The following LINGO2 variants were observed in gnomAD, a reference collection of about 807,000 sequenced individuals.
LINGO2 encodes leucine rich repeat and Ig domain containing 2, also known as leucine-rich repeat and immunoglobulin-like domain-containing nogo receptor-interacting protein 2.
A neutral mutation model predicts 30.6 loss-of-function variants in LINGO2; 14 were observed. That is an observed-to-expected ratio of 0.46 (90% CI 0.30 to 0.72). The LOEUF is 0.72. LINGO2 is among the 30% of genes least tolerant of loss of function. The pLI is 0.07. For missense variants in LINGO2, 729 were observed against 751.7 expected (o/e 0.97, Z 0.35); for synonymous variants, 317 against 288.5 (o/e 1.10, Z -1.00).
intron 2 of LINGO2, among the ~76,000 whole-genome samples, chr9:28,409,621 GT>G (rs1822665928): frequency 1.1e-4 from 3 of 28,286 alleles, no homozygotes; most frequent in South Asian, 9.2e-4. Context: ...ATGTGCAGGG[GT>G]GTGTGTGTGT....
intron 1 of LINGO2, among the ~76,000 whole-genome samples, chr9:28,486,770 A>G (rs1826182542): frequency 6.6e-6 from 1 of 152,158 alleles, no homozygotes; most frequent in Non-Finnish European, 1.5e-5. Context: ...CATGTTCCAA[A>G]AAACCCCACA....
chr9:28,494,660 T>G (rs906722379), intron 1 of LINGO2, among the ~76,000 whole-genome samples: 1 of 152,188 alleles, frequency 6.6e-6, no homozygotes, highest in African/African-American at 2.4e-5. Context: ...CTATTGTGAA[T>G]AGTGCCGCAA....
chr9:27,984,552 T>C (rs1303252759), intron 5 of LINGO2, among the ~76,000 whole-genome samples: 1 of 151,838 alleles, frequency 6.6e-6, no homozygotes, highest in Non-Finnish European at 1.5e-5. Flanking sequence ...GATTGTGGTC[T>C]GAGGGAATAT....
the LINGO2 span, among the ~76,000 whole-genome samples, chr9:28,922,497 C>T: frequency 0.092 from 13,921 of 152,120 alleles, 728 homozygotes; most frequent in South Asian, 0.16. Flanking sequence ...GTAAAAGGAG[C>T]AGTTAACCAC....
chr9:28,771,455 GTGTGTGTGTGTGTGTGTGTGT>G, the LINGO2 span, among the ~76,000 whole-genome samples: 402 of 67,696 alleles, frequency 5.9e-3, 3 homozygotes, highest in African/African-American at 0.031. Context: ...CCTATTTGGT[GTGTGTGTGTGTGTGTGTGTGT>G]GTGTGTGTGT....
chr9:28,774,025 G>T, the LINGO2 span, among the ~76,000 whole-genome samples: 1 of 142,794 alleles, frequency 7.0e-6, no homozygotes, highest in Non-Finnish European at 1.5e-5. Flanking sequence ...TGGGCCAAAT[G>T]TCATTTTCTT....
chr9:28,412,468 G>A (rs932159427), intron 2 of LINGO2, among the ~76,000 whole-genome samples: 11 of 151,984 alleles, frequency 7.2e-5, no homozygotes, highest in Non-Finnish European at 1.2e-4. Flanking sequence ...AATTGAAAAG[G>A]GAGACGTAAA....
At chr9:28,762,062 C>T in the LINGO2 span, among the ~76,000 whole-genome samples, 7 of 151,928 alleles carry the variant, frequency 4.6e-5, no homozygotes, top group African/African-American at 1.5e-4. Context: ...GGAAGATTTT[C>T]TTTCTAATTC....
chr9:28,895,841 GA>G, the LINGO2 span, among the ~76,000 whole-genome samples: 55 of 151,612 alleles, frequency 3.6e-4, no homozygotes, highest in Middle Eastern at 3.4e-3. Context: ...GATTTGAGGG[GA>G]AAAAAAACTT....
chr9:28,084,736 T>A (rs1825862887), intron 4 of LINGO2, among the ~76,000 whole-genome samples: 2 of 152,140 alleles, frequency 1.3e-5, no homozygotes, highest in African/African-American at 4.8e-5. Flanking sequence ...TTTCATTAGT[T>A]GTGTCATACC....
At chr9:28,871,382 A>G in the LINGO2 span, among the ~76,000 whole-genome samples, 1 of 123,970 alleles carries the variant, frequency 8.1e-6, no homozygotes, top group African/African-American at 2.5e-5. Context: ...ACACATACCA[A>G]CTTCTTTAAA....
At chr9:28,635,227 T>C (rs1489477372) in intron 1 of LINGO2, among the ~76,000 whole-genome samples, 1 of 152,196 alleles carries the variant, frequency 6.6e-6, no homozygotes, top group Non-Finnish European at 1.5e-5. Context: ...AAAGAGCCTT[T>C]TTATTAGAGT....
chr9:28,512,488 C>T (rs73439398), intron 1 of LINGO2, among the ~76,000 whole-genome samples: 33,059 of 149,334 alleles, frequency 0.22, 4,145 homozygotes, highest in African/African-American at 0.33. Flanking sequence ...TTGCTAAGAG[C>T]CTGAACCTGT....
At chr9:28,000,513 TTTC>T (rs1821894995) in intron 5 of LINGO2, among the ~76,000 whole-genome samples, 3 of 152,238 alleles carry the variant, frequency 2.0e-5, no homozygotes, top group African/African-American at 7.2e-5. Context: ...TGGAAAATTA[TTTC>T]TTTAGGCACC....
intron 1 of LINGO2, among the ~76,000 whole-genome samples, chr9:28,589,353 G>T (rs1208950485): frequency 6.6e-6 from 1 of 152,120 alleles, no homozygotes; most frequent in Non-Finnish European, 1.5e-5. Flanking sequence ...AAAAGAGGAA[G>T]TCAAGTTGTC....
At chr9:28,680,600 C>T in the LINGO2 span, among the ~76,000 whole-genome samples, 1 of 152,116 alleles carries the variant, frequency 6.6e-6, no homozygotes, top group African/African-American at 2.4e-5. Context: ...GATTACGTTT[C>T]TCCACAACCT....
At chr9:29,158,957 CTT>C in the LINGO2 span, among the ~76,000 whole-genome samples, 7 of 152,142 alleles carry the variant, frequency 4.6e-5, no homozygotes, top group African/African-American at 1.7e-4. Context: ...AAAGAGAAGC[CTT>C]CATAGATTTA....
At chr9:28,707,029 T>C in the LINGO2 span, among the ~76,000 whole-genome samples, 6 of 152,144 alleles carry the variant, frequency 3.9e-5, no homozygotes, top group Non-Finnish European at 7.4e-5. Flanking sequence ...AGATCTATGT[T>C]CCCTTCTTTC....
In LINGO2 at chr9:28,592,895, C is replaced by T. The variant is rs574131938; in HGVS notation, c.-365+77305G>A. 4.6e-5 allele frequency among the ~76,000 whole-genome samples: 7 copies of T among 152,146 alleles called. No individual in the cohort carries two copies. The East Asian group carries it at 1.4e-3, about 30-fold the overall frequency. ...GTAGCCCTCTTTCATTGTCCCCAATCCCATCTATTGGCTCTCTGCCACGTG... is the reference window on the plus strand; with the variant it reads ...GTAGCCCTCTTTCATTGTCCCCAATTCCATCTATTGGCTCTCTGCCACGTG... On this transcript the variant is annotated intron_variant, in intron 1 of 5. Coordinates refer to ENST00000379992, the Ensembl canonical transcript of LINGO2.
Sources: allele counts gnomAD v4.1 joint callset (sites outside exome capture counted in the v4.1 genomes callset), GRCh38; gene constraint gnomAD v4.1.1; transcripts MANE v1.5; gene names NCBI Gene and HGNC (gene_info 2026-07-23, HGNC 2026-07-21).